Variants in ITGA6 observed in about 807,000 individuals in gnomAD.
ITGA6 encodes integrin subunit alpha 6.
A neutral mutation model predicts 133.6 loss-of-function variants in ITGA6; 63 were observed. That is an observed-to-expected ratio of 0.47 (90% CI 0.38 to 0.58). ITGA6 has a LOEUF of 0.58. ITGA6 is among the 20% of genes least tolerant of loss of function. ITGA6 has a pLI of 0.00. For synonymous variants in ITGA6, 434 were observed against 482.0 expected (o/e 0.90, Z 1.30); for missense variants, 1,068 against 1,309.4 (o/e 0.82, Z 2.85).
chr2:172,486,176 CAAAAAAAAAAA>C (rs67271824), intron 13 of ITGA6, among the ~76,000 whole-genome samples: 2 of 77,334 alleles, frequency 2.6e-5, no homozygotes, highest in African/African-American at 8.9e-5. Context: ...ACTCTATCTC[CAAAAAAAAAAA>C]AAAAAAAAAA....
In ITGA6 at chr2:172,501,989, G is replaced by A. The variant is rs1028678394; in HGVS notation, c.*22+88G>A. 6 of 1,176,416 alleles carry A rather than the reference G, an allele frequency of 5.1e-6. No homozygotes were observed. The Admixed American group carries it at 1.0e-4, about 20-fold the overall frequency. The allele number at this position is 1,176,416 out of a possible 1,614,324, so 72.9% of individuals were successfully genotyped here. On this transcript the variant is annotated intron_variant, in intron 25 of 25. Transcript: ENST00000684293. The stretch of plus-strand genomic sequence containing the variant: ...TTAAGAACAACAGCTTGCTATGTGT[G>A]TCCCATTAACAGATGTTTCCAAATG...
intron 1 of ITGA6, among the ~76,000 whole-genome samples, chr2:172,429,136 T>C (rs1226269899): frequency 6.6e-6 from 1 of 151,502 alleles, no homozygotes; most frequent in African/African-American, 2.4e-5. Flanking sequence ...GTTAACAACT[T>C]TGGAATTCGT....
At chr2:172,473,668 C>A (rs1458430426) in intron 5 of ITGA6, among the ~76,000 whole-genome samples, 1 of 152,310 alleles carries the variant, frequency 6.6e-6, no homozygotes. Flanking sequence ...GTTATATATT[C>A]TCTGTGTATA....
At chr2:172,468,858 A>G (rs1200958856) in intron 3 of ITGA6, 2 of 413,680 alleles carry the variant, frequency 4.8e-6, no homozygotes, top group Non-Finnish European at 4.4e-6. Flanking sequence ...TAAATTGCCT[A>G]TGGATACAGA....
At chr2:172,485,347 T>A in intron 13 of ITGA6, 83 bp downstream of exon 13, 1 of 1,231,702 alleles carries the variant, frequency 8.1e-7, no homozygotes, top group Non-Finnish European at 1.2e-6. Flanking sequence ...GGAATAGAAC[T>A]AGTGATTTGC....
intron 1 of ITGA6, among the ~76,000 whole-genome samples, chr2:172,451,289 A>G (rs968620843): frequency 4.0e-5 from 6 of 151,698 alleles, no homozygotes; most frequent in African/African-American, 1.5e-4. Context: ...ACATGGTGAA[A>G]CCCTGTCTCT....
At chr2:172,459,502 A>G (rs937708260) in intron 1 of ITGA6, among the ~76,000 whole-genome samples, 1 of 146,312 alleles carries the variant, frequency 6.8e-6, no homozygotes, top group Non-Finnish European at 1.5e-5. Context: ...AGACTGTCTC[A>G]AAAAAAAGAA....
chr2:172,473,809 T>C (rs933720057), intron 5 of ITGA6, among the ~76,000 whole-genome samples: 1 of 152,200 alleles, frequency 6.6e-6, no homozygotes, highest in Non-Finnish European at 1.5e-5. Context: ...ATTCAAGTTA[T>C]ACATAGGTGC....
At position 172,458,586 on chromosome 2, in the gene ITGA6, C is replaced by T. The variant is rs958948922; in HGVS notation, c.183-6953C>T. Reference sequence around the variant, plus strand: ...AGCTGGCTACCCACTCAGCCTAAAGCGAATCCCTGGAGTCAGCAGCCCCAC... The same window carrying T: ...AGCTGGCTACCCACTCAGCCTAAAGTGAATCCCTGGAGTCAGCAGCCCCAC... On this transcript the variant is annotated intron_variant, in intron 1 of 25. Coordinates refer to ENST00000684293, the MANE Select transcript of ITGA6 (RefSeq NM_000210.4). Among the ~76,000 whole-genome samples the T allele has an allele frequency of 9.2e-4, 140 of 152,154 alleles. 2 individuals are homozygous for T. Among genetic ancestry groups the T allele is most frequent in the Admixed American group, 3.3e-4 (5 of 15,270 alleles).
intron 1 of ITGA6, among the ~76,000 whole-genome samples, chr2:172,450,807 T>A (rs898918921): frequency 1.4e-5 from 2 of 147,042 alleles, no homozygotes; most frequent in Admixed American, 6.9e-5. Flanking sequence ...ATATATATAT[T>A]TTGTATGTAT....
intron 13 of ITGA6, 59 bp downstream of exon 13, chr2:172,485,323 A>G (rs1686620819): frequency 6.9e-7 from 1 of 1,459,580 alleles, no homozygotes; most frequent in Non-Finnish European, 9.6e-7. Flanking sequence ...ATGCTAAATC[A>G]AATGTCTTTG....
At chr2:172,453,449 C>T (rs2149020246) in intron 1 of ITGA6, among the ~76,000 whole-genome samples, 1 of 152,240 alleles carries the variant, frequency 6.6e-6, no homozygotes, top group South Asian at 2.1e-4. Flanking sequence ...TGCTTGAGCC[C>T]AGGAGGTGGT....
At chr2:172,435,510 T>G (rs1175866399) in intron 1 of ITGA6, among the ~76,000 whole-genome samples, 3 of 151,576 alleles carry the variant, frequency 2.0e-5, no homozygotes, top group Non-Finnish European at 4.4e-5. Context: ...AGATTAGAGA[T>G]AGGTAGGAAA....
At chr2:172,443,441 C>T (rs892312988) in intron 1 of ITGA6, among the ~76,000 whole-genome samples, 12 of 152,074 alleles carry the variant, frequency 7.9e-5, no homozygotes, top group African/African-American at 2.9e-4. Context: ...TTAATTAATT[C>T]CTAGTGCAGA....
intron 11 of ITGA6, among the ~76,000 whole-genome samples, chr2:172,480,521 CG>C (rs1686393765): frequency 6.6e-6 from 1 of 152,058 alleles, no homozygotes; most frequent in Non-Finnish European, 1.5e-5. Flanking sequence ...CCGGAACACC[CG>C]CCCTGTGTTC....
rs1454511879 is a variant in ITGA6, at chr2:172,497,466, C to T, written c.2989-509C>T. On this transcript the variant is annotated intron_variant, in intron 23 of 25. Transcript: ENST00000684293. ...CAGTGACCCATGGTCACACCACTTG[C>T]ACTCCAACCTGGGCAACAGAGTGAG... Among the ~76,000 whole-genome samples the T allele has an allele frequency of 2.0e-5, 3 of 147,248 alleles. 1 individual carries two copies. The highest frequency in any genetic ancestry group is 4.3e-4 in the South Asian group (2 of 4,698).
chr2:172,478,329 T>A (rs1018479852), intron 9 of ITGA6, among the ~76,000 whole-genome samples: 2 of 152,226 alleles, frequency 1.3e-5, no homozygotes, highest in African/African-American at 4.8e-5. Flanking sequence ...TCGAGCTAGC[T>A]GTTTGGGATT....
At chr2:172,438,155 G>A (rs1574317600) in intron 1 of ITGA6, among the ~76,000 whole-genome samples, 1 of 151,656 alleles carries the variant, frequency 6.6e-6, no homozygotes, top group East Asian at 1.9e-4. Flanking sequence ...TTTAAGATGG[G>A]AGAAGATTAT....
chr2:172,501,933 G>A, intron 25 of ITGA6, 32 bp downstream of exon 25: 2 of 1,592,768 alleles, frequency 1.3e-6, no homozygotes, highest in Non-Finnish European at 1.7e-6. Context: ...ATTGCTAGCT[G>A]TGGGACCCGC....
Sources: gnomAD v4.1 joint callset for allele counts (sites outside exome capture counted in the v4.1 genomes callset) on GRCh38, gnomAD v4.1.1 for gene constraint, MANE v1.5 for transcripts, NCBI Gene and HGNC (gene_info 2026-07-23, HGNC 2026-07-21) for gene names.